Variants in REEP1 observed in about 807,000 individuals in gnomAD.
REEP1 encodes receptor accessory protein 1.
In REEP1, 22 loss-of-function variants were observed where a neutral mutation model predicts 40.3. The observed-to-expected ratio is 0.55, with a 90% CI of 0.39 to 0.78. The LOEUF is 0.78. Among genes scored for constraint, REEP1 ranks in the 30% least tolerant of loss-of-function variants. The probability of loss-of-function intolerance (pLI) is 0.00; values close to 1 mark genes in which losing one functional copy is unlikely to be tolerated. For missense variants in REEP1, 280 were observed against 361.1 expected (o/e 0.78, Z 1.82); for synonymous variants, 116 against 139.2 (o/e 0.83, Z 1.17).
chr2:86,250,094 G>A (rs1011208434), intron 5 of REEP1, among the ~76,000 whole-genome samples: 1 of 152,166 alleles, frequency 6.6e-6, no homozygotes, highest in Non-Finnish European at 1.5e-5. Context: ...CGGGCTTCCC[G>A]GGTGGTTAGG....
rs1374460115 is a variant in REEP1, at chr2:86,214,986, C to G, written c.*2053G>C. 6.2e-5 allele frequency: 6 copies of G among 96,598 alleles called. No homozygotes were observed. In the South Asian group the frequency reaches 2.2e-3, roughly 35 times the overall value. The allele number at this position is 96,598 out of a possible 1,614,324, so 6.0% of individuals were successfully genotyped here. A position where few individuals can be genotyped will look rare whatever the true frequency, so the allele number is the denominator to read the frequency against. On this transcript the variant is annotated 3_prime_UTR_variant, in exon 9 of 9. Transcript: ENST00000538924. ...TGCTGCTAAAGGCAATTTATTGTTT[C>G]GGCAAAAAAAAAAAAATTGCTAAGA... is the stretch of plus-strand genomic sequence containing the variant.
intron 4 of REEP1, among the ~76,000 whole-genome samples, chr2:86,252,583 A>C (rs1676347913): frequency 6.6e-6 from 1 of 152,238 alleles, no homozygotes; most frequent in African/African-American, 2.4e-5. Context: ...AATTCCAGTA[A>C]AACATCTAAC....
chr2:86,256,263 G>A (rs371540712), intron 3 of REEP1, among the ~76,000 whole-genome samples: 164 of 150,388 alleles, frequency 1.1e-3, no homozygotes, highest in Middle Eastern at 6.8e-3. Flanking sequence ...CAGGAGAATT[G>A]CTCGAACCCA....
rs530636838 is a variant in REEP1 at position 86,302,014 on chromosome 2, A to G, written c.33-19772T>C. Among the ~76,000 whole-genome samples the G allele has an allele frequency of 9.2e-5, 14 of 152,348 alleles. No individual in the cohort carries two copies. The South Asian group carries it at 2.9e-3, about 32-fold the overall frequency. On this transcript the variant is annotated intron_variant, in intron 1 of 8. Coordinates refer to ENST00000538924, the MANE Select transcript of REEP1 (RefSeq NM_001371279.1). ...ACACTCCCTTTTCCTTTAATTCCCCATAGGCTTTATAAAGCCAGCCCAGCT... is the reference window on the plus strand; with the variant it reads ...ACACTCCCTTTTCCTTTAATTCCCCGTAGGCTTTATAAAGCCAGCCCAGCT...
chr2:86,264,503 C>T (rs1317096830), intron 2 of REEP1, among the ~76,000 whole-genome samples: 1 of 152,126 alleles, frequency 6.6e-6, no homozygotes, highest in Non-Finnish European at 1.5e-5. Flanking sequence ...GCCTTTCTCC[C>T]CTAAGGCCTT....
chr2:86,287,835 T>C (rs12714179), intron 1 of REEP1, among the ~76,000 whole-genome samples: 52,009 of 152,030 alleles, frequency 0.34, 9,844 homozygotes, highest in Middle Eastern at 0.44. Context: ...TCTCACTATG[T>C]TTTTATTAAC....
At chr2:86,266,892 A>G (rs1437307363) in intron 2 of REEP1, among the ~76,000 whole-genome samples, 3 of 151,924 alleles carry the variant, frequency 2.0e-5, no homozygotes, top group Admixed American at 2.0e-4. Context: ...CTGTAGTCCC[A>G]GCTACTCAGG....
intron 7 of REEP1, among the ~76,000 whole-genome samples, chr2:86,226,761 C>T (rs1380973504): frequency 4.6e-5 from 7 of 151,980 alleles, no homozygotes; most frequent in Non-Finnish European, 8.8e-5. Context: ...TGAGCCACCC[C>T]GCCCAGTGAC....
intron 8 of REEP1, among the ~76,000 whole-genome samples, chr2:86,219,481 C>T (rs1307227753): frequency 6.9e-6 from 1 of 145,038 alleles, no homozygotes; most frequent in African/African-American, 2.6e-5. Flanking sequence ...GAAGGAGTCT[C>T]GCTGTGTCAT....
chr2:86,253,179 G>A (rs1676377305), intron 4 of REEP1, among the ~76,000 whole-genome samples: 1 of 152,168 alleles, frequency 6.6e-6, no homozygotes, highest in Admixed American at 6.5e-5. Flanking sequence ...TACCTGGGAG[G>A]CTGAGGCAGG....
chr2:86,241,342 G>A (rs1440158137), intron 5 of REEP1, among the ~76,000 whole-genome samples: 2 of 152,240 alleles, frequency 1.3e-5, no homozygotes, highest in Admixed American at 6.5e-5. Context: ...ACATGCCCAC[G>A]CTATCGCACG....
chr2:86,249,358 G>A (rs115095699), intron 5 of REEP1, among the ~76,000 whole-genome samples: 3,381 of 152,110 alleles, frequency 0.022, 44 homozygotes, highest in Middle Eastern at 0.044. Context: ...CCTCCCCGCT[G>A]CCCGGTTCCC....
chr2:86,224,536 T>C (rs572480923), intron 7 of REEP1, among the ~76,000 whole-genome samples: 1 of 152,298 alleles, frequency 6.6e-6, no homozygotes, highest in Admixed American at 6.5e-5. Flanking sequence ...AAAGGGTTCC[T>C]TGCATGCAGA....
At chr2:86,239,196 T>G (rs1675531005) in intron 5 of REEP1, among the ~76,000 whole-genome samples, 1 of 105,694 alleles carries the variant, frequency 9.5e-6, no homozygotes, top group Admixed American at 1.5e-4. Context: ...TGCTGACCAA[T>G]GCCATCTAGA....
At chr2:86,336,832 T>C (rs1681063047) in intron 1 of REEP1, 1 of 152,298 alleles carries the variant, frequency 6.6e-6, no homozygotes, top group South Asian at 2.1e-4. Flanking sequence ...TGCCCCTGTC[T>C]CTCAATCCCC....
intron 1 of REEP1, among the ~76,000 whole-genome samples, chr2:86,308,198 G>A (rs1229808453): frequency 6.6e-6 from 1 of 152,230 alleles, no homozygotes; most frequent in Non-Finnish European, 1.5e-5. Flanking sequence ...TCTCTTAGAT[G>A]CAAGATCCAA....
chr2:86,276,951 C>T (rs1413774629), intron 2 of REEP1, among the ~76,000 whole-genome samples: 1 of 152,204 alleles, frequency 6.6e-6, no homozygotes. Flanking sequence ...AACATTTTTG[C>T]TTCTCATCCT....
At chr2:86,334,102 A>G (rs1680897261) in intron 1 of REEP1, among the ~76,000 whole-genome samples, 1 of 152,224 alleles carries the variant, frequency 6.6e-6, no homozygotes, top group Non-Finnish European at 1.5e-5. Context: ...GGTGCCAGAT[A>G]CTTTGTGAAA....
rs551482132 is a variant in REEP1, at chr2:86,232,469, C to T, written c.595+156G>A. Among the ~76,000 whole-genome samples the T allele has an allele frequency of 3.0e-4, 45 of 152,308 alleles. No homozygotes were observed. In the South Asian group the frequency reaches 3.9e-3, roughly 13 times the overall value. ...TCCTGGCCGGGCCTGAGGGGTGCTC[C>T]GCCCCTTGGCTGACCTGGCATGATC... On this transcript the variant is annotated intron_variant, in intron 6 of 8. Transcript: ENST00000538924.
Sources: gnomAD v4.1 joint callset for allele counts (sites outside exome capture counted in the v4.1 genomes callset) on GRCh38, gnomAD v4.1.1 for gene constraint, MANE v1.5 for transcripts, NCBI Gene and HGNC (gene_info 2026-07-23, HGNC 2026-07-21) for gene names.